Variants in VPS41 observed in about 807,000 individuals in gnomAD.
VPS41 encodes VPS41 subunit of HOPS complex, also known as vacuolar protein sorting-associated protein 41 homolog.
In VPS41, 85 loss-of-function variants were observed where a neutral mutation model predicts 130.9. That is an observed-to-expected ratio of 0.65 (90% CI 0.55 to 0.78). The LOEUF is 0.78. VPS41 is among the 30% of genes least tolerant of loss of function. VPS41 has a pLI of 0.00. For synonymous variants in VPS41, 335 were observed against 332.9 expected (o/e 1.01, Z -0.07); for missense variants, 874 against 1,018.7 (o/e 0.86, Z 1.93).
At chr7:38,798,614 T>C (rs1179683840) in intron 7 of VPS41, among the ~76,000 whole-genome samples, 2 of 152,152 alleles carry the variant, frequency 1.3e-5, no homozygotes, top group African/African-American at 2.4e-5. Flanking sequence ...ACATGATGAA[T>C]TGATAAGATC....
intron 2 of VPS41, among the ~76,000 whole-genome samples, chr7:38,875,799 T>C (rs1019603061): frequency 3.3e-5 from 5 of 152,196 alleles, no homozygotes; most frequent in African/African-American, 1.2e-4. Flanking sequence ...AATTACATTC[T>C]TATATGAATG....
intron 4 of VPS41, among the ~76,000 whole-genome samples, chr7:38,843,539 G>A (rs1162856450): frequency 8.7e-5 from 13 of 148,734 alleles, no homozygotes; most frequent in Non-Finnish European, 1.2e-4. Flanking sequence ...AAAATTAGCC[G>A]GGCGCGGTGC....
chr7:38,754,138 C>A (rs1010885223), intron 21 of VPS41, among the ~76,000 whole-genome samples: 1 of 152,132 alleles, frequency 6.6e-6, no homozygotes. Flanking sequence ...ACACAACCAC[C>A]AATAGCACAC....
chr7:38,834,884 A>C (rs1381671995), intron 4 of VPS41, among the ~76,000 whole-genome samples: 2 of 152,004 alleles, frequency 1.3e-5, no homozygotes, highest in Non-Finnish European at 2.9e-5. Flanking sequence ...TAAATTCATC[A>C]GTGATGAAAA....
intron 27 of VPS41, 136 bp downstream of exon 27, chr7:38,728,406 G>T: frequency 1.0e-6 from 1 of 980,816 alleles, no homozygotes; most frequent in Non-Finnish European, 1.6e-6. Flanking sequence ...CAGGATGGAA[G>T]CCACAACACT....
At chr7:38,864,497 C>T (rs1437797411) in intron 3 of VPS41, among the ~76,000 whole-genome samples, 1 of 152,124 alleles carries the variant, frequency 6.6e-6, no homozygotes, top group African/African-American at 2.4e-5. Context: ...GAAAACATTT[C>T]ATTATCAGAT....
intron 7 of VPS41, among the ~76,000 whole-genome samples, chr7:38,809,777 A>G (rs566853622): frequency 3.4e-4 from 52 of 152,358 alleles, no homozygotes; most frequent in Non-Finnish European, 6.3e-4. Flanking sequence ...ATTTCTAAAA[A>G]TGAACTCCAC....
Position 38,725,255 on chromosome 7 carries a change from G to A in VPS41, c.*991C>T, listed in dbSNP as rs17767818. The A allele has an allele frequency of 0.19, 28,291 of 152,168 alleles. 3,664 individuals are homozygous for A. The highest frequency in any genetic ancestry group is 0.42 in the East Asian group (2,185 of 5,154). 9.4% of individuals were successfully genotyped at this position (152,168 alleles called of 1,614,324 possible). A position where few individuals can be genotyped will look rare whatever the true frequency, so the allele number is the denominator to read the frequency against. ...ATATATCCCAAGGAAGATGAAGCCAGTAACTGTAAGACACAATTACAAGTT... is the reference window on the plus strand; with the variant it reads ...ATATATCCCAAGGAAGATGAAGCCAATAACTGTAAGACACAATTACAAGTT... On this transcript the variant is annotated 3_prime_UTR_variant, in exon 29 of 29. Coordinates refer to ENST00000310301, the MANE Select transcript of VPS41 (RefSeq NM_014396.4).
intron 9 of VPS41, among the ~76,000 whole-genome samples, chr7:38,793,454 T>C (rs1033744725): frequency 8.5e-5 from 13 of 152,248 alleles, no homozygotes; most frequent in African/African-American, 2.6e-4. Context: ...GCTCAACATA[T>C]AGAACTGAGT....
chr7:38,812,457 T>C (rs1784962731), intron 7 of VPS41, among the ~76,000 whole-genome samples: 1 of 152,134 alleles, frequency 6.6e-6, no homozygotes, highest in African/African-American at 2.4e-5. Context: ...CAAGCATTAA[T>C]CTTCATGACC....
In VPS41 at chr7:38,745,153, A is replaced by G. The variant is rs796834035; in HGVS notation, c.1981+406T>C. ...ATTAAAAAGCTCTCCTCCTTCTCCA[A>G]AACTATGGTATTCAATTGCATTTCC... On this transcript the variant is annotated intron_variant, in intron 23 of 28. Transcript: ENST00000310301. Among the ~76,000 whole-genome samples the G allele has an allele frequency of 3.3e-5, 5 of 152,174 alleles. No individual in the cohort carries two copies. In the South Asian group the frequency reaches 1.0e-3, roughly 32 times the overall value.
chr7:38,853,164 A>G (rs1785896211), intron 4 of VPS41, among the ~76,000 whole-genome samples: 1 of 152,208 alleles, frequency 6.6e-6, no homozygotes. Flanking sequence ...TCACGCCTGT[A>G]ATCCCAGCAC....
chr7:38,731,692 G>A lies in VPS41; in HGVS notation c.2260-2901C>T, dbSNP rs370070315. Among the ~76,000 whole-genome samples, 34 of 152,060 alleles carry A rather than the reference G, an allele frequency of 2.2e-4. No individual in the cohort carries two copies. The East Asian group carries it at 3.9e-3, about 17-fold the overall frequency. ...CACACTCTTCTGTTACTCAGGTTTC[G>A]ATGACCAGAATGGCACTGAGCACTG... On this transcript the variant is annotated intron_variant, in intron 25 of 28. Coordinates refer to ENST00000310301, the MANE Select transcript of VPS41 (RefSeq NM_014396.4).
intron 10 of VPS41, among the ~76,000 whole-genome samples, chr7:38,788,444 T>C (rs930212234): frequency 1.3e-5 from 2 of 152,210 alleles, no homozygotes; most frequent in African/African-American, 2.4e-5. Context: ...GCAGTTTATG[T>C]AAGCAGCACA....
intron 2 of VPS41, among the ~76,000 whole-genome samples, chr7:38,880,648 A>G (rs924889857): frequency 1.3e-4 from 20 of 152,228 alleles, no homozygotes; most frequent in African/African-American, 4.8e-4. Flanking sequence ...GAAAACAGTC[A>G]TATTCTAAAG....
chr7:38,727,120 C>A, intron 27 of VPS41, 132 bp from the exon 28 acceptor site: 1 of 712,698 alleles, frequency 1.4e-6, no homozygotes, highest in Non-Finnish European at 2.1e-6. Flanking sequence ...GGCTTATTTA[C>A]AAAAGCATTC....
intron 19 of VPS41, among the ~76,000 whole-genome samples, chr7:38,756,396 G>A (rs776739411): frequency 3.9e-5 from 6 of 151,944 alleles, no homozygotes; most frequent in Non-Finnish European, 5.9e-5. Context: ...CTCAAACCAG[G>A]GGAAACCCCA....
chr7:38,863,889 G>A (rs1273783244), intron 3 of VPS41, among the ~76,000 whole-genome samples: 1 of 152,152 alleles, frequency 6.6e-6, no homozygotes, highest in African/African-American at 2.4e-5. Context: ...AGGTAATTCT[G>A]GGGGGAAATT....
intron 13 of VPS41, 143 bp downstream of exon 13, chr7:38,772,379 T>G (rs1784169983): frequency 3.6e-6 from 2 of 553,712 alleles, no homozygotes; most frequent in Non-Finnish European, 6.3e-6. Flanking sequence ...AAGGGGGTAC[T>G]AGAAAGTTAT....
Sources: allele counts gnomAD v4.1 joint callset (sites outside exome capture counted in the v4.1 genomes callset), GRCh38; gene constraint gnomAD v4.1.1; transcripts MANE v1.5; gene names NCBI Gene and HGNC (gene_info 2026-07-23, HGNC 2026-07-21).